The following TMCC1 variants were observed in gnomAD, a reference collection of about 807,000 sequenced individuals.
TMCC1 encodes the protein transmembrane and coiled-coil domain family 1, also known as transmembrane and coiled-coil domains protein 1.
In TMCC1, 15 loss-of-function variants were observed where a neutral mutation model predicts 52.4. That is an observed-to-expected ratio of 0.29 (90% CI 0.19 to 0.44). The LOEUF (loss-of-function observed/expected upper bound fraction) is 0.44, where lower values mean the gene tolerates loss of function less well. Ranked by LOEUF, TMCC1 falls within the 20% of genes least tolerant of loss-of-function variation. The pLI, the probability that TMCC1 is intolerant of heterozygous loss-of-function variation, is 1.00. For synonymous variants in TMCC1, 279 were observed against 301.9 expected, an observed-to-expected ratio of 0.92 and a Z score of 0.79; for missense variants, 503 against 806.0, an observed-to-expected ratio of 0.62 and a Z score of 4.55.
At chr3:129,745,386 C>T (rs747281148) in intron 4 of TMCC1, among the ~76,000 whole-genome samples, 4 of 152,228 alleles carry the variant, frequency 2.6e-5, no homozygotes, top group Admixed American at 1.3e-4. Context: ...CTAAACTGAG[C>T]GCTTCACTCC....
intron 2 of TMCC1, among the ~76,000 whole-genome samples, chr3:129,854,870 C>A (rs2060081989): frequency 6.6e-6 from 1 of 152,216 alleles, no homozygotes; most frequent in Non-Finnish European, 1.5e-5. Flanking sequence ...GTCTTCTCCA[C>A]CAGACCCTAA....
chr3:129,876,470 G>T (rs187667866), intron 2 of TMCC1, among the ~76,000 whole-genome samples: 184 of 151,888 alleles, frequency 1.2e-3, no homozygotes, highest in Non-Finnish European at 1.8e-3. Context: ...AATTGCTAAG[G>T]ACAATTTTTA....
At chr3:129,703,512 G>T (rs1301505564) in intron 4 of TMCC1, among the ~76,000 whole-genome samples, 3 of 152,160 alleles carry the variant, frequency 2.0e-5, no homozygotes, top group Non-Finnish European at 4.4e-5. Flanking sequence ...TCATTGCTCT[G>T]CCAGTCATCA....
chr3:129,658,008 A>G (rs2086779926), intron 5 of TMCC1, among the ~76,000 whole-genome samples: 1 of 152,232 alleles, frequency 6.6e-6, no homozygotes, highest in Non-Finnish European at 1.5e-5. Context: ...ACCCATATGT[A>G]TACGAGTGTT....
In TMCC1 at chr3:129,687,811, A is replaced by T. The variant is rs544945650; in HGVS notation, c.577-16547T>A. On this transcript the variant is annotated intron_variant, in intron 4 of 6. Transcript: ENST00000393238. ...CTCAGCCTATTACTGTTCCAGTGGC[A>T]ACAACTCTATAACAGGAGGAAGGCT... Among the ~76,000 whole-genome samples, 184 of 152,362 alleles carry T rather than the reference A, an allele frequency of 1.2e-3. 1 individual carries two copies. Among genetic ancestry groups the T allele is most frequent in the African/African-American group, 4.4e-3 (181 of 41,588 alleles).
At chr3:129,892,448 G>A (rs1213850593) in intron 1 of TMCC1, 1 of 151,272 alleles carries the variant, frequency 6.6e-6, no homozygotes, top group East Asian at 1.9e-4. Context: ...AATATACAGA[G>A]AAAAAAATGT....
At chr3:129,749,747 A>G (rs2052325820) in intron 4 of TMCC1, among the ~76,000 whole-genome samples, 1 of 152,226 alleles carries the variant, frequency 6.6e-6, no homozygotes, top group African/African-American at 2.4e-5. Flanking sequence ...CTCTTTATAC[A>G]TAAAATACTT....
chr3:129,668,052 G>A (rs1332014742), intron 5 of TMCC1, among the ~76,000 whole-genome samples: 1 of 152,162 alleles, frequency 6.6e-6, no homozygotes, highest in Admixed American at 6.5e-5. Flanking sequence ...GCCAAGCGTG[G>A]TGGTGCACAC....
chr3:129,744,024 T>A (rs1229875449), intron 4 of TMCC1, among the ~76,000 whole-genome samples: 1 of 151,906 alleles, frequency 6.6e-6, no homozygotes, highest in Non-Finnish European at 1.5e-5. Context: ...CACCTAAGAG[T>A]ATGATTTTAA....
At chr3:129,847,824 C>T (rs2059735605) in intron 2 of TMCC1, 1 of 152,248 alleles carries the variant, frequency 6.6e-6, no homozygotes, top group Non-Finnish European at 1.5e-5. Context: ...ATCCTCCATT[C>T]TTGTCACCAT....
chr3:129,678,140 G>C (rs909249985), intron 4 of TMCC1, among the ~76,000 whole-genome samples: 2 of 151,508 alleles, frequency 1.3e-5, no homozygotes, highest in Admixed American at 6.6e-5. Context: ...GGCTGGTCTC[G>C]AACTCCTGGC....
At chr3:129,835,810 T>C (rs1346946467) in intron 2 of TMCC1, among the ~76,000 whole-genome samples, 2 of 151,638 alleles carry the variant, frequency 1.3e-5, no homozygotes, top group South Asian at 2.1e-4. Context: ...ACACACTAAA[T>C]AGAAAGGAGA....
intron 5 of TMCC1, among the ~76,000 whole-genome samples, chr3:129,667,821 A>C (rs900661311): frequency 3.3e-5 from 5 of 152,224 alleles, no homozygotes; most frequent in African/African-American, 1.2e-4. Flanking sequence ...ACATCTTGAC[A>C]TGAAGACATA....
chr3:129,859,244 T>C (rs185577768), intron 2 of TMCC1, among the ~76,000 whole-genome samples: 116 of 152,312 alleles, frequency 7.6e-4, no homozygotes, highest in African/African-American at 2.4e-3. Context: ...ATTTTTTAAA[T>C]ATGTACAGGT....
At chr3:129,704,074 T>C (rs1279847853) in intron 4 of TMCC1, among the ~76,000 whole-genome samples, 1 of 152,146 alleles carries the variant, frequency 6.6e-6, no homozygotes, top group East Asian at 1.9e-4. Context: ...GATTTGTTGA[T>C]TGTACACTGG....
At chr3:129,851,823 T>C (rs1031382064) in intron 2 of TMCC1, among the ~76,000 whole-genome samples, 1 of 152,202 alleles carries the variant, frequency 6.6e-6, no homozygotes, top group South Asian at 2.1e-4. Context: ...AAATGCAGCA[T>C]ATACATACCA....
At chr3:129,678,473 G>A (rs1482186810) in intron 4 of TMCC1, among the ~76,000 whole-genome samples, 1 of 142,730 alleles carries the variant, frequency 7.0e-6, no homozygotes, top group South Asian at 2.2e-4. Flanking sequence ...CAATTCTTCT[G>A]CCTCAGCCTC....
intron 4 of TMCC1, among the ~76,000 whole-genome samples, chr3:129,787,792 T>C (rs991425894): frequency 1.3e-5 from 2 of 152,212 alleles, no homozygotes; most frequent in Non-Finnish European, 2.9e-5. Flanking sequence ...ACAAAGTTTA[T>C]CTTCAACCTG....
At position 129,656,993 on chromosome 3, in the gene TMCC1, C is replaced by T. The variant is rs372118116; in HGVS notation, c.1512-1890G>A. Among the ~76,000 whole-genome samples the T allele has an allele frequency of 4.5e-4, 68 of 152,282 alleles. 1 individual carries two copies. In the South Asian group the frequency reaches 0.013, roughly 30 times the overall value. On this transcript the variant is annotated intron_variant, in intron 5 of 6. Transcript: ENST00000393238. ...TTAGCCCACTCTTCTGTGGTGTTTT[C>T]GGTGTTTGATAGTTTCATCATTCTC...
Sources: gnomAD v4.1 joint callset for allele counts (sites outside exome capture counted in the v4.1 genomes callset) on GRCh38, gnomAD v4.1.1 for gene constraint, MANE v1.5 for transcripts, NCBI Gene and HGNC (gene_info 2026-07-23, HGNC 2026-07-21) for gene names.